MRPL13: variants seen among roughly 807,000 people sequenced by gnomAD.
MRPL13 encodes the protein large ribosomal subunit protein uL13m.
A neutral mutation model predicts 29.0 loss-of-function variants in MRPL13; 33 were observed. The ratio of observed to expected loss-of-function variants is 1.14; its 90% CI spans 0.86 to 1.52. The LOEUF (loss-of-function observed/expected upper bound fraction) is 1.52. Ranked by LOEUF, MRPL13 falls within the 40% of genes most tolerant of loss-of-function variation. The pLI is 0.00. For missense variants in MRPL13, 227 were observed against 216.7 expected, an observed-to-expected ratio of 1.05 and a Z score of -0.30; for synonymous variants, 77 against 68.4, an observed-to-expected ratio of 1.13 and a Z score of -0.62.
chr8:120,439,457 T>A (rs1423497698), intron 2 of MRPL13, among the ~76,000 whole-genome samples: 1 of 152,116 alleles, frequency 6.6e-6, no homozygotes, highest in African/African-American at 2.4e-5. Context: ...TAAAACAAGG[T>A]TATGTATTGA....
At chr8:120,417,017 A>C (rs1812811475) in intron 5 of MRPL13, among the ~76,000 whole-genome samples, 1 of 152,198 alleles carries the variant, frequency 6.6e-6, no homozygotes, top group East Asian at 1.9e-4. Context: ...TTTACTCTGT[A>C]GTCTAGTCTC....
intron 6 of MRPL13, among the ~76,000 whole-genome samples, chr8:120,404,518 A>C (rs1290921749): frequency 6.6e-6 from 1 of 152,164 alleles, no homozygotes; most frequent in Non-Finnish European, 1.5e-5. Context: ...CAAGCTCTTC[A>C]CAACAATTCC....
At chr8:120,425,819 C>T (rs1812926086) in intron 3 of MRPL13, among the ~76,000 whole-genome samples, 1 of 152,096 alleles carries the variant, frequency 6.6e-6, no homozygotes, top group Admixed American at 6.6e-5. Flanking sequence ...AATCATGTTT[C>T]TTCTTAGCAG....
At chr8:120,398,218 C>T (rs1022651141) in intron 6 of MRPL13, among the ~76,000 whole-genome samples, 4 of 152,200 alleles carry the variant, frequency 2.6e-5, no homozygotes, top group African/African-American at 9.6e-5. Flanking sequence ...GGTCTCTAGA[C>T]AACTCCTACA....
chr8:120,415,938 T>C lies in MRPL13; in HGVS notation c.394-1826A>G, dbSNP rs1812797507. The C allele has an allele frequency of 2.6e-5, 4 of 152,218 alleles. No individual in the cohort carries two copies. In the South Asian group the frequency reaches 8.3e-4, roughly 32 times the overall value. 9.4% of individuals were successfully genotyped at this position (152,218 alleles called of 1,614,324 possible). On this transcript the variant is annotated intron_variant, in intron 5 of 6. Coordinates refer to ENST00000306185, the MANE Select transcript of MRPL13 (RefSeq NM_014078.6). Reference sequence around the variant, plus strand: ...AAGACAATTTCAAAAAGCTGCTAAGTGCTCATTCAGCGTAGAGCATGTGGA... The same window carrying C: ...AAGACAATTTCAAAAAGCTGCTAAGCGCTCATTCAGCGTAGAGCATGTGGA...
chr8:120,405,403 G>A (rs1400535444), intron 6 of MRPL13, among the ~76,000 whole-genome samples: 1 of 152,160 alleles, frequency 6.6e-6, no homozygotes, highest in African/African-American at 2.4e-5. Context: ...AAATTGCTTG[G>A]ATTCTTATGA....
intron 4 of MRPL13, among the ~76,000 whole-genome samples, chr8:120,420,581 G>A (rs992825073): frequency 4.0e-5 from 6 of 150,836 alleles, no homozygotes; most frequent in Admixed American, 6.6e-5. Flanking sequence ...TCAAGTGGTC[G>A]GTTGACATGT....
chr8:120,397,906 C>T (rs1020074769), intron 6 of MRPL13, among the ~76,000 whole-genome samples: 3 of 152,184 alleles, frequency 2.0e-5, no homozygotes, highest in African/African-American at 7.2e-5. Context: ...ATCCATCCCT[C>T]CTCACCAGTT....
chr8:120,427,755 C>A (rs1257730493), intron 3 of MRPL13, among the ~76,000 whole-genome samples: 1 of 151,850 alleles, frequency 6.6e-6, no homozygotes, highest in Non-Finnish European at 1.5e-5. Flanking sequence ...CTTGAGCCCA[C>A]AAGTTCAAGA....
intron 6 of MRPL13, among the ~76,000 whole-genome samples, chr8:120,410,325 G>A (rs546401140): frequency 3.9e-5 from 6 of 152,092 alleles, no homozygotes; most frequent in Admixed American, 3.9e-4. Flanking sequence ...CATTCCAAAG[G>A]AAAATTATAT....
Position 120,445,071 on chromosome 8 carries a change from G to A in MRPL13, c.24C>T (p.Pro8=), listed in dbSNP as rs1813189485. The stretch of plus-strand genomic sequence containing the variant: ...AGCCATAAGAGTCCGAGCTCACCTG[G>A]GGCGCCCTAGAGAAACTCGACATAT... MSSFSRA[P]QQWATFARIW... The change falls in exon 1 of 7, where the codon CCC becomes CCT. Residue 8 remains proline (P), a synonymous_variant. Coordinates refer to ENST00000306185, the MANE Select transcript of MRPL13 (RefSeq NM_014078.6). 6.8e-6 allele frequency: 11 copies of A among 1,613,778 alleles called. No individual in the cohort carries two copies. Among genetic ancestry groups the A allele is most frequent in the Middle Eastern group, 1.6e-4 (1 of 6,082 alleles).
intron 3 of MRPL13, among the ~76,000 whole-genome samples, chr8:120,425,703 T>C (rs1031119962): frequency 5.9e-5 from 9 of 152,164 alleles, no homozygotes; most frequent in African/African-American, 1.7e-4. Context: ...GACTATTTCA[T>C]GTTCCTTACC....
At chr8:120,422,255 A>T (rs928936680) in intron 4 of MRPL13, among the ~76,000 whole-genome samples, 6 of 151,770 alleles carry the variant, frequency 4.0e-5, no homozygotes, top group African/African-American at 1.4e-4. Flanking sequence ...GAAACAAAAA[A>T]TGATATTTTT....
At chr8:120,398,524 G>C (rs1242616896) in intron 6 of MRPL13, among the ~76,000 whole-genome samples, 1 of 152,092 alleles carries the variant, frequency 6.6e-6, no homozygotes, top group Non-Finnish European at 1.5e-5. Flanking sequence ...ATCTAAGACA[G>C]ATAAGCCCAC....
At chr8:120,434,143 TAAGGTCTCAGA>T (rs1813026849) in intron 2 of MRPL13, among the ~76,000 whole-genome samples, 1 of 152,080 alleles carries the variant, frequency 6.6e-6, no homozygotes, top group Non-Finnish European at 1.5e-5. Flanking sequence ...TCAGGAAACC[TAAGGTCTCAGA>T]TAGGTTACAC....
At chr8:120,428,126 TAAAAAAAAA>T (rs144856034) in intron 3 of MRPL13, among the ~76,000 whole-genome samples, 1 of 110,392 alleles carries the variant, frequency 9.1e-6, no homozygotes. Flanking sequence ...ATGGTACTGA[TAAAAAAAAA>T]AAAAAAAAAA....
At chr8:120,401,845 A>G (rs371128145) in intron 6 of MRPL13, among the ~76,000 whole-genome samples, 12 of 152,176 alleles carry the variant, frequency 7.9e-5, no homozygotes, top group African/African-American at 2.4e-4. Flanking sequence ...TAGCATTCCT[A>G]TACACCAACA....
chr8:120,396,109 G>T lies in MRPL13; in HGVS notation c.532C>A (p.Leu178Ile). 1 of 1,586,068 alleles carries T rather than the reference G, an allele frequency of 6.3e-7. No individual in the cohort carries two copies. Among genetic ancestry groups the T allele is most frequent in the Non-Finnish European group, 8.6e-7 (1 of 1,161,526 alleles). ...TTTCTGCAATTCTTATTCTCTTATAGCCGATAATCTTCAGGTCTGAAAGAA... is the reference window on the plus strand; with the variant it reads ...TTTCTGCAATTCTTATTCTCTTATATCCGATAATCTTCAGGTCTGAAAGAA... ...RLWTPPEDYR[L>I] Residue 178 changes from leucine to isoleucine, a missense_variant, in exon 7 of 7, where the codon CTA becomes ATA. Transcript: ENST00000306185.
chr8:120,433,270 AAAG>A (rs902761924), intron 2 of MRPL13, among the ~76,000 whole-genome samples: 5 of 152,094 alleles, frequency 3.3e-5, no homozygotes, highest in Non-Finnish European at 7.4e-5. Flanking sequence ...AACAGCAAAT[AAAG>A]AAGGTGGGAA....
Sources: allele counts gnomAD v4.1 joint callset (sites outside exome capture counted in the v4.1 genomes callset), GRCh38; gene constraint gnomAD v4.1.1; transcripts MANE v1.5; gene names NCBI Gene and HGNC (gene_info 2026-07-23, HGNC 2026-07-21).